NEGR1: variants seen among roughly 807,000 people sequenced by gnomAD.
The protein encoded by NEGR1 is IgLON family member 4.
NEGR1 carries 10 observed loss-of-function variants against 40.9 expected under a neutral mutation model. The observed-to-expected ratio is 0.24, with a 90% CI of 0.15 to 0.42. NEGR1 has a LOEUF of 0.42. NEGR1 is among the 10% of genes least tolerant of loss of function. The probability of loss-of-function intolerance (pLI) is 1.00; values close to 1 mark genes in which losing one functional copy is unlikely to be tolerated. For missense variants in NEGR1, 352 were observed against 438.9 expected (o/e 0.80, Z 1.77); for synonymous variants, 185 against 166.8 (o/e 1.11, Z -0.84).
chr1:71,634,209 A>G (rs1306487369), intron 4 of NEGR1, among the ~76,000 whole-genome samples: 3 of 152,078 alleles, frequency 2.0e-5, no homozygotes, highest in African/African-American at 4.8e-5. Context: ...TCTACAGGTG[A>G]GCAGATAAAT....
chr1:71,557,493 C>T (rs1327003758), intron 6 of NEGR1, among the ~76,000 whole-genome samples: 2 of 151,570 alleles, frequency 1.3e-5, no homozygotes, highest in Non-Finnish European at 3.0e-5. Flanking sequence ...ATTGATAAAA[C>T]ATTTCTAATG....
At chr1:71,857,802 A>G (rs1659828580) in intron 2 of NEGR1, among the ~76,000 whole-genome samples, 1 of 151,996 alleles carries the variant, frequency 6.6e-6, no homozygotes. Flanking sequence ...AACAAAATAT[A>G]CATTTTCTTT....
intron 2 of NEGR1, among the ~76,000 whole-genome samples, chr1:71,791,457 C>T (rs1463254469): frequency 6.6e-6 from 1 of 151,920 alleles, no homozygotes; most frequent in Non-Finnish European, 1.5e-5. Context: ...GTGTTTAGAG[C>T]ATGGAAATTG....
At chr1:71,687,653 T>C (rs1183338549) in intron 4 of NEGR1, among the ~76,000 whole-genome samples, 1 of 152,218 alleles carries the variant, frequency 6.6e-6, no homozygotes, top group Non-Finnish European at 1.5e-5. Context: ...TATTTCAGTG[T>C]CAGCCATTCT....
intron 2 of NEGR1, among the ~76,000 whole-genome samples, chr1:71,796,971 G>A (rs1657353978): frequency 6.6e-6 from 1 of 152,088 alleles, no homozygotes; most frequent in African/African-American, 2.4e-5. Flanking sequence ...CATTTTTACA[G>A]CACATATTTA....
At chr1:71,885,049 G>C (rs2101847355) in intron 2 of NEGR1, among the ~76,000 whole-genome samples, 1 of 152,278 alleles carries the variant, frequency 6.6e-6, no homozygotes, top group African/African-American at 2.4e-5. Flanking sequence ...TAGAAGTGTT[G>C]AGTTTTTCTT....
chr1:71,709,764 C>A (rs1557622700), intron 3 of NEGR1, among the ~76,000 whole-genome samples: 1 of 152,132 alleles, frequency 6.6e-6, no homozygotes, highest in African/African-American at 2.4e-5. Context: ...TATGTAATTA[C>A]TACAAGAATA....
intron 4 of NEGR1, among the ~76,000 whole-genome samples, chr1:71,685,240 A>G (rs1397013054): frequency 6.6e-6 from 1 of 151,514 alleles, no homozygotes; most frequent in Non-Finnish European, 1.5e-5. Context: ...TCCTGCATTC[A>G]TTTACAATAG....
At chr1:71,436,692 G>A (rs1646511972) in intron 6 of NEGR1, among the ~76,000 whole-genome samples, 1 of 151,984 alleles carries the variant, frequency 6.6e-6, no homozygotes, top group Non-Finnish European at 1.5e-5. Flanking sequence ...CCACCCCTGA[G>A]GCATCAAGAA....
At chr1:72,244,756 T>C (rs1654853071) in intron 1 of NEGR1, among the ~76,000 whole-genome samples, 1 of 152,020 alleles carries the variant, frequency 6.6e-6, no homozygotes, top group African/African-American at 2.4e-5. Context: ...TTATTCTATA[T>C]GTCTTTCTAT....
intron 1 of NEGR1, among the ~76,000 whole-genome samples, chr1:72,208,879 C>T (rs1052281761): frequency 2.6e-5 from 4 of 151,526 alleles, no homozygotes; most frequent in Non-Finnish European, 4.4e-5. Context: ...AGTCAAGTTA[C>T]ATCTATAAGG....
At chr1:72,099,431 T>C (rs1648843599) in intron 1 of NEGR1, among the ~76,000 whole-genome samples, 2 of 152,040 alleles carry the variant, frequency 1.3e-5, no homozygotes, top group Admixed American at 1.3e-4. Context: ...TGATTTTTCT[T>C]CTTAAATGGA....
At chr1:72,238,119 T>C (rs1334035694) in intron 1 of NEGR1, among the ~76,000 whole-genome samples, 1 of 151,862 alleles carries the variant, frequency 6.6e-6, no homozygotes, top group Non-Finnish European at 1.5e-5. Flanking sequence ...ATGACAAATA[T>C]AAAATCCCTA....
At position 71,610,954 on chromosome 1, in the gene NEGR1, A is replaced by C. The variant is rs1650229766; in HGVS notation, c.788+72T>G. On this transcript the variant is annotated intron_variant, in intron 5 of 6. Coordinates refer to ENST00000357731, the MANE Select transcript of NEGR1 (RefSeq NM_173808.3). ...TCAAGCCAGTTAAAGAAATTGCCTA[A>C]AGTAAGTATCTGAAACACAAGCACG... 4 of 1,508,118 alleles carry C rather than the reference A, an allele frequency of 2.7e-6. No individual in the cohort carries two copies. The Admixed American group carries it at 7.3e-5, about 27-fold the overall frequency. 93.4% of individuals were successfully genotyped at this position (1,508,118 alleles called of 1,614,324 possible). A position where few individuals can be genotyped will look rare whatever the true frequency, so the allele number is the denominator to read the frequency against.
intron 4 of NEGR1, among the ~76,000 whole-genome samples, chr1:71,661,880 T>A (rs1252408310): frequency 1.3e-5 from 2 of 152,176 alleles, no homozygotes; most frequent in African/African-American, 2.4e-5. Flanking sequence ...AAAAAGATGG[T>A]TTTACAAACC....
intron 2 of NEGR1, among the ~76,000 whole-genome samples, chr1:71,887,992 GACACACACACACACACACACACAC>G (rs57794150): frequency 6.5e-5 from 9 of 138,182 alleles, no homozygotes; most frequent in Admixed American, 6.5e-4. Flanking sequence ...CTTTTGAAAG[GACACACACACACACACACACACAC>G]ACACACACAC....
intron 4 of NEGR1, among the ~76,000 whole-genome samples, chr1:71,627,877 A>C (rs1235651603): frequency 3.9e-5 from 6 of 152,074 alleles, no homozygotes; most frequent in Admixed American, 3.3e-4. Flanking sequence ...TTCCACAGTA[A>C]TTCAATGTGA....
rs191941775 is a variant in NEGR1, at chr1:71,492,621, C to T, written c.941-85051G>A. On this transcript the variant is annotated intron_variant, in intron 6 of 6. Transcript: ENST00000357731. Reference sequence around the variant, plus strand: ...AGTTTTATATTGAGTTTTATACACACGGATTTGACTCAGATTTTTATCTCT... The same window carrying T: ...AGTTTTATATTGAGTTTTATACACATGGATTTGACTCAGATTTTTATCTCT... Among the ~76,000 whole-genome samples the T allele has an allele frequency of 5.9e-5, 9 of 152,046 alleles. No individual in the cohort carries two copies. In the South Asian group the frequency reaches 6.3e-4, roughly 11 times the overall value.
At chr1:72,180,574 G>T (rs376367470) in intron 1 of NEGR1, among the ~76,000 whole-genome samples, 2 of 151,868 alleles carry the variant, frequency 1.3e-5, no homozygotes, top group African/African-American at 4.8e-5. Context: ...TCTGATAAGG[G>T]GTTAATATTC....
Sources: allele counts gnomAD v4.1 joint callset (sites outside exome capture counted in the v4.1 genomes callset), GRCh38; gene constraint gnomAD v4.1.1; transcripts MANE v1.5; gene names NCBI Gene and HGNC (gene_info 2026-07-23, HGNC 2026-07-21).